AKT3: variants seen among roughly 807,000 people sequenced by gnomAD.
The protein encoded by AKT3 is RAC-gamma serine/threonine-protein kinase.
Under a neutral mutation model 65.3 loss-of-function variants are expected in AKT3, and 15 were observed. The ratio of observed to expected loss-of-function variants is 0.23; its 90% CI spans 0.15 to 0.35. The LOEUF (loss-of-function observed/expected upper bound fraction) is 0.35. Ranked by LOEUF, AKT3 falls within the 10% of genes least tolerant of loss-of-function variation. The probability of loss-of-function intolerance (pLI) is 1.00; values close to 1 mark genes in which losing one functional copy is unlikely to be tolerated. For synonymous variants in AKT3, 206 were observed against 183.8 expected (o/e 1.12, Z -0.98); for missense variants, 243 against 576.5 (o/e 0.42, Z 5.92).
chr1:243,631,815 A>C (rs993798077), intron 6 of AKT3, among the ~76,000 whole-genome samples: 1 of 152,238 alleles, frequency 6.6e-6, no homozygotes, highest in African/African-American at 2.4e-5. Flanking sequence ...CTCAAAGAGT[A>C]GATCCTATCT....
chr1:243,524,954 T>C (rs529024282), intron 12 of AKT3, among the ~76,000 whole-genome samples: 1 of 152,322 alleles, frequency 6.6e-6, no homozygotes, highest in Admixed American at 6.5e-5. Flanking sequence ...CCCCAGCTTA[T>C]GCCATTTAGG....
In AKT3 at chr1:243,641,248, A is replaced by ATG. The variant is rs1013505296; in HGVS notation, c.430-3508_430-3507dup. ...ATACTCCTTAATAAACTCCATATAT[A>ATG]TGTGTGTGTGTATATATATATATAT... On this transcript the variant is annotated intron_variant, in intron 5 of 13. Transcript: ENST00000673466. Among the ~76,000 whole-genome samples the ATG allele has an allele frequency of 3.9e-3, 347 of 90,032 alleles. 1 individual carries two copies. In the East Asian group the frequency reaches 0.046, roughly 12 times the overall value. 59.1% of individuals were successfully genotyped at this position (90,032 alleles called of 152,430 possible).
At chr1:243,829,188 T>A (rs1694351701) in intron 2 of AKT3, among the ~76,000 whole-genome samples, 1 of 152,186 alleles carries the variant, frequency 6.6e-6, no homozygotes, top group Non-Finnish European at 1.5e-5. Context: ...TATATTGGCA[T>A]GACATACTTG....
intron 2 of AKT3, among the ~76,000 whole-genome samples, chr1:243,786,689 G>C (rs1175914578): frequency 1.3e-5 from 2 of 152,098 alleles, no homozygotes; most frequent in Admixed American, 1.3e-4. Flanking sequence ...CACGGGGTGG[G>C]GGGGTGCGCG....
chr1:243,692,540 C>A (rs1016035693), intron 3 of AKT3, among the ~76,000 whole-genome samples: 12 of 151,300 alleles, frequency 7.9e-5, no homozygotes, highest in African/African-American at 2.9e-4. Flanking sequence ...TGAGACCAGC[C>A]TGGCCAACAT....
rs565718177 is a variant in AKT3 at position 243,774,432 on chromosome 1, C to G, written c.46+68693G>C. Among the ~76,000 whole-genome samples, 18 of 152,204 alleles carry G rather than the reference C, an allele frequency of 1.2e-4. 1 individual carries two copies. The South Asian group carries it at 3.5e-3, about 30-fold the overall frequency. On this transcript the variant is annotated intron_variant, in intron 2 of 13. Transcript: ENST00000673466. ...TCATTTTTCTTGTGAAAAGGTTTGT[C>G]ACCTGATGGTTATTTTATGTTCATG...
chr1:243,577,019 C>T (rs1247801080), intron 8 of AKT3, among the ~76,000 whole-genome samples: 1 of 152,114 alleles, frequency 6.6e-6, no homozygotes, highest in Non-Finnish European at 1.5e-5. Flanking sequence ...GTACTGGTAA[C>T]AAAAACAGAC....
chr1:243,718,324 G>A (rs1052565930), intron 2 of AKT3, among the ~76,000 whole-genome samples: 16 of 152,096 alleles, frequency 1.1e-4, no homozygotes, highest in African/African-American at 3.6e-4. Context: ...ACTTACATAG[G>A]AGATGAAAAT....
rs1266372940 is a variant in AKT3 at position 243,803,644 on chromosome 1, GTACACACACACA to G, written c.46+39469_46+39480del. On this transcript the variant is annotated intron_variant, in intron 2 of 13. Transcript: ENST00000673466. ...TTTGTTACAGAACAAAGACGTACAT[GTACACACACACA>G]CACACACACACACACACACACACAC... Among the ~76,000 whole-genome samples the G allele has an allele frequency of 1.5e-3, 131 of 87,924 alleles. 1 individual carries two copies. Among genetic ancestry groups the G allele is most frequent in the African/African-American group, 5.4e-3 (123 of 22,760 alleles). 57.7% of individuals were successfully genotyped at this position (87,924 alleles called of 152,430 possible).
intron 2 of AKT3, among the ~76,000 whole-genome samples, chr1:243,771,476 T>A (rs1442201871): frequency 6.6e-6 from 1 of 152,198 alleles, no homozygotes; most frequent in Non-Finnish European, 1.5e-5. Context: ...AAAGTGTTGA[T>A]AACAAGAAAT....
intron 2 of AKT3, among the ~76,000 whole-genome samples, chr1:243,724,333 G>C (rs1272478107): frequency 6.6e-6 from 1 of 151,616 alleles, no homozygotes; most frequent in African/African-American, 2.4e-5. Flanking sequence ...ATACTAACTA[G>C]TTCAGTCAGT....
intron 2 of AKT3, among the ~76,000 whole-genome samples, chr1:243,838,069 G>A (rs940025551): frequency 2.0e-5 from 3 of 152,130 alleles, no homozygotes; most frequent in Admixed American, 6.5e-5. Context: ...TGATTGAGAA[G>A]GAGCAAGTGT....
intron 2 of AKT3, among the ~76,000 whole-genome samples, chr1:243,765,114 A>G (rs1689734027): frequency 1.3e-5 from 2 of 152,110 alleles, no homozygotes; most frequent in South Asian, 4.1e-4. Context: ...AAAATACCTA[A>G]AAGTTTTACT....
At chr1:243,762,806 A>G (rs1180509976) in intron 2 of AKT3, among the ~76,000 whole-genome samples, 2 of 152,080 alleles carry the variant, frequency 1.3e-5, no homozygotes, top group Non-Finnish European at 2.9e-5. Flanking sequence ...AGGGCCAAGT[A>G]TATTATAGTG....
chr1:243,768,036 G>C (rs1689941826), intron 2 of AKT3, among the ~76,000 whole-genome samples: 1 of 151,584 alleles, frequency 6.6e-6, no homozygotes, highest in Non-Finnish European at 1.5e-5. Context: ...CTAGAATTTA[G>C]TTCTGGCTTC....
At chr1:243,707,508 C>G (rs1402255452) in intron 2 of AKT3, among the ~76,000 whole-genome samples, 1 of 152,138 alleles carries the variant, frequency 6.6e-6, no homozygotes, top group South Asian at 2.1e-4. Context: ...AAATCAAAAG[C>G]CTTCCACTGA....
rs953984720 is a variant in AKT3, at chr1:243,737,741, T to C, written c.47-42025A>G. ...TATGAGAATCCACAGGGAGAAGTCA[T>C]TGGATGGCAATGATTAGAACAATAT... On this transcript the variant is annotated intron_variant, in intron 2 of 13. Transcript: ENST00000673466. Among the ~76,000 whole-genome samples, 10 of 152,282 alleles carry C rather than the reference T, an allele frequency of 6.6e-5. No individual in the cohort carries two copies. In the East Asian group the frequency reaches 1.3e-3, roughly 21 times the overall value.
At position 243,623,368 on chromosome 1, in the gene AKT3, T is replaced by C. The variant is rs149194673; in HGVS notation, c.562-8207A>G. On this transcript the variant is annotated intron_variant, in intron 6 of 13. Transcript: ENST00000673466. ...ATCACAGATGCACTTATGTGTCAAC[T>C]TGACTGGATTAAGGAATACCTAGAG... Among the ~76,000 whole-genome samples, 415 of 152,276 alleles carry C rather than the reference T, an allele frequency of 2.7e-3. 4 individuals are homozygous for C. The highest frequency in any genetic ancestry group is 0.012 in the South Asian group (56 of 4,826).
chr1:243,655,889 G>A (rs868257080), intron 4 of AKT3, among the ~76,000 whole-genome samples: 2 of 152,044 alleles, frequency 1.3e-5, no homozygotes, highest in Admixed American at 1.3e-4. Context: ...AGGAAAAGTA[G>A]GTTCACTGTC....
Sources: gnomAD v4.1 joint callset for allele counts (sites outside exome capture counted in the v4.1 genomes callset) on GRCh38, gnomAD v4.1.1 for gene constraint, MANE v1.5 for transcripts, NCBI Gene and HGNC (gene_info 2026-07-23, HGNC 2026-07-21) for gene names.